Variants in ELAVL4 observed in about 807,000 individuals in gnomAD.
The protein encoded by ELAVL4 is ELAV-like protein 4.
A neutral mutation model predicts 35.6 loss-of-function variants in ELAVL4; 1 was observed. The ratio of observed to expected loss-of-function variants is 0.03; its 90% CI spans 0.01 to 0.13. The LOEUF (loss-of-function observed/expected upper bound fraction) is 0.13, where lower values mean the gene tolerates loss of function less well. Among genes scored for constraint, ELAVL4 ranks in the 10% least tolerant of loss-of-function variants. The probability of loss-of-function intolerance (pLI) is 1.00; values close to 1 mark genes in which losing one functional copy is unlikely to be tolerated. For missense variants in ELAVL4, 267 were observed against 464.9 expected, an observed-to-expected ratio of 0.57 and a Z score of 3.91; for synonymous variants, 156 against 171.0, an observed-to-expected ratio of 0.91 and a Z score of 0.69.
intron 6 of ELAVL4, among the ~76,000 whole-genome samples, chr1:50,197,909 T>C (rs536027883): frequency 1.8e-4 from 28 of 152,362 alleles, no homozygotes; most frequent in Admixed American, 1.6e-3. Context: ...GTTGACAATC[T>C]TATGATTTTT....
chr1:50,107,283 G>T (rs1666414075), upstream of ELAVL4, among the ~76,000 whole-genome samples: 1 of 152,132 alleles, frequency 6.6e-6, no homozygotes, highest in Non-Finnish European at 1.5e-5. Flanking sequence ...ACTGAGTATT[G>T]TTCCACCTTA....
intron 6 of ELAVL4, among the ~76,000 whole-genome samples, chr1:50,200,132 A>C (rs868533854): frequency 4.9e-4 from 75 of 152,272 alleles, no homozygotes; most frequent in Middle Eastern, 3.4e-3. Context: ...TGTGGGGGAA[A>C]CCCTTTTGAA....
chr1:50,061,595 A>G (rs552614521), intron 1 of ELAVL4, among the ~76,000 whole-genome samples: 1 of 152,314 alleles, frequency 6.6e-6, no homozygotes, highest in South Asian at 2.1e-4. Flanking sequence ...GAGGTGCACC[A>G]TTCAGATCTG....
intron 1 of ELAVL4, among the ~76,000 whole-genome samples, chr1:50,143,233 T>C (rs1260155969): frequency 6.6e-6 from 1 of 152,190 alleles, no homozygotes; most frequent in African/African-American, 2.4e-5. Flanking sequence ...ACCCTTAAGA[T>C]TTATACACTT....
intron 1 of ELAVL4, among the ~76,000 whole-genome samples, chr1:50,081,485 A>G (rs575346643): frequency 6.6e-6 from 1 of 152,324 alleles, no homozygotes; most frequent in Admixed American, 6.5e-5. Flanking sequence ...CCTATGTTAA[A>G]ATGCTGATTT....
intron 1 of ELAVL4, among the ~76,000 whole-genome samples, chr1:50,050,364 G>T (rs1663289815): frequency 6.6e-6 from 1 of 152,204 alleles, no homozygotes; most frequent in African/African-American, 2.4e-5. Flanking sequence ...TCACTGGGGT[G>T]ACTGAAATAT....
At chr1:50,125,845 T>G (rs867517681) in intron 1 of ELAVL4, among the ~76,000 whole-genome samples, 1 of 152,076 alleles carries the variant, frequency 6.6e-6, no homozygotes, top group Middle Eastern at 3.2e-3. Context: ...TAAGGGCATC[T>G]TAGGAGTCTG....
intron 1 of ELAVL4, among the ~76,000 whole-genome samples, chr1:50,073,485 A>G (rs1170755916): frequency 2.2e-4 from 33 of 152,130 alleles, no homozygotes. Flanking sequence ...TTTGGAATAA[A>G]TATTATCACT....
Position 50,050,748 on chromosome 1 carries a change from C to T in ELAVL4, c.18+2566C>T, listed in dbSNP as rs529807984. Among the ~76,000 whole-genome samples the T allele has an allele frequency of 2.4e-3, 367 of 152,192 alleles. 4 individuals carry two copies. Among genetic ancestry groups the T allele is most frequent in the African/African-American group, 8.5e-3 (352 of 41,502 alleles). On this transcript the variant is annotated intron_variant, in intron 1 of 6. Coordinates refer to the ELAVL4 transcript ENST00000448907. ...GAAATGTTTTATTTGAGCAGTACTG[C>T]TCATTTGCATAATATGATAATGGAT... is the stretch of plus-strand genomic sequence containing the variant.
intron 1 of ELAVL4, among the ~76,000 whole-genome samples, chr1:50,097,763 C>T (rs1322741666): frequency 6.6e-6 from 1 of 152,122 alleles, no homozygotes; most frequent in Non-Finnish European, 1.5e-5. Context: ...ACTGACACTA[C>T]GTCAAAGATA....
chr1:50,164,020 T>G (rs1255389088), intron 2 of ELAVL4, among the ~76,000 whole-genome samples: 1 of 152,206 alleles, frequency 6.6e-6, no homozygotes, highest in African/African-American at 2.4e-5. Flanking sequence ...CTCTGGGCCG[T>G]AATGGGCCTT....
At chr1:50,088,831 C>G (rs1033857990) in intron 1 of ELAVL4, among the ~76,000 whole-genome samples, 2 of 152,210 alleles carry the variant, frequency 1.3e-5, no homozygotes, top group Non-Finnish European at 2.9e-5. Context: ...TATCCTCCCA[C>G]AGACCCTGTT....
At chr1:50,166,229 A>G (rs1677898507) in intron 2 of ELAVL4, among the ~76,000 whole-genome samples, 1 of 152,098 alleles carries the variant, frequency 6.6e-6, no homozygotes, top group South Asian at 2.1e-4. Flanking sequence ...TGTCAGCTTG[A>G]ACCCATACAC....
chr1:50,084,061 G>A (rs79773310), intron 1 of ELAVL4, among the ~76,000 whole-genome samples: 3,772 of 152,208 alleles, frequency 0.025, 57 homozygotes, highest in Non-Finnish European at 0.038. Flanking sequence ...TTAACACAGC[G>A]TAATTAATTT....
chr1:50,109,659 A>G (rs950116717), intron 1 of ELAVL4: 4 of 487,614 alleles, frequency 8.2e-6, no homozygotes, highest in Non-Finnish European at 1.5e-5. Flanking sequence ...GATACTGAAC[A>G]CTGAGATGGG....
rs190640815 is a variant in ELAVL4, at chr1:50,075,816, G to T, written c.18+27634G>T. On this transcript the variant is annotated intron_variant, in intron 1 of 6. Transcript: ENST00000448907. ...CTTTTTGACTTATGATATAGATATA[G>T]ATAGAGAGAGAGAGACAGAGAGACA... Among the ~76,000 whole-genome samples the T allele has an allele frequency of 6.8e-3, 1,034 of 152,096 alleles. 9 individuals carry two copies. The highest frequency in any genetic ancestry group is 0.024 in the African/African-American group (994 of 41,462).
At chr1:50,163,303 C>A (rs1677125991) in intron 2 of ELAVL4, among the ~76,000 whole-genome samples, 1 of 152,186 alleles carries the variant, frequency 6.6e-6, no homozygotes, top group Admixed American at 6.5e-5. Flanking sequence ...ATGAGTCTGA[C>A]TTTTCTACTA....
At chr1:50,055,362 C>T (rs183982514) in intron 1 of ELAVL4, among the ~76,000 whole-genome samples, 6 of 152,120 alleles carry the variant, frequency 3.9e-5, no homozygotes, top group Admixed American at 6.5e-5. Context: ...TGCAGTGCCG[C>T]GATCTTGGCT....
chr1:50,184,754 G>A (rs186112925), intron 3 of ELAVL4, among the ~76,000 whole-genome samples: 2 of 152,228 alleles, frequency 1.3e-5, no homozygotes, highest in African/African-American at 4.8e-5. Context: ...ATGAGGCTCC[G>A]ATCATCGGAA....
Sources: gnomAD v4.1 joint callset for allele counts (sites outside exome capture counted in the v4.1 genomes callset) on GRCh38, gnomAD v4.1.1 for gene constraint, MANE v1.5 for transcripts, NCBI Gene and HGNC (gene_info 2026-07-23, HGNC 2026-07-21) for gene names.